Variants in TFCP2 observed in about 807,000 individuals in gnomAD.
TFCP2 encodes the protein alpha-globin transcription factor CP2.
In TFCP2, 33 loss-of-function variants were observed where a neutral mutation model predicts 73.4. The observed-to-expected ratio is 0.45, with a 90% CI of 0.34 to 0.60. TFCP2 has a LOEUF of 0.60. TFCP2 is among the 20% of genes least tolerant of loss of function. The probability of loss-of-function intolerance (pLI) is 0.01; values close to 1 mark genes in which losing one functional copy is unlikely to be tolerated. For synonymous variants in TFCP2, 193 were observed against 211.6 expected (o/e 0.91, Z 0.76); for missense variants, 352 against 604.0 (o/e 0.58, Z 4.37).
At chr12:51,128,887 T>C (rs903252863) in intron 1 of TFCP2, among the ~76,000 whole-genome samples, 6 of 152,176 alleles carry the variant, frequency 3.9e-5, no homozygotes, top group Admixed American at 2.6e-4. Context: ...AAATACCCTG[T>C]ATGACATAAT....
chr12:51,104,395 G>C (rs183134832), intron 8 of TFCP2, among the ~76,000 whole-genome samples, 192 bp from the exon 9 acceptor site: 113 of 152,176 alleles, frequency 7.4e-4, no homozygotes, highest in African/African-American at 2.6e-3. Context: ...TATGAGGAGG[G>C]GGAGAAACTA....
In TFCP2 at chr12:51,124,922, G is replaced by C. The variant is rs1340366330; in HGVS notation, c.123-6150C>G. ...GATATGTCAAGGACACGTCGTCCAG[G>C]ATGAGCCCAAATGTGGCTGCTTGCT... On this transcript the variant is annotated intron_variant, in intron 1 of 14. Coordinates refer to ENST00000257915, the MANE Select transcript of TFCP2 (RefSeq NM_005653.5). 7.1e-6 allele frequency: 6 copies of C among 848,692 alleles called. No homozygotes were observed. The African/African-American group carries it at 8.2e-5, about 12-fold the overall frequency. 52.6% of individuals were successfully genotyped at this position (848,692 alleles called of 1,614,324 possible).
chr12:51,154,365 CTAAAAA>C (rs1230522480), intron 1 of TFCP2, among the ~76,000 whole-genome samples: 8 of 152,044 alleles, frequency 5.3e-5, no homozygotes, highest in Admixed American at 5.3e-4. Flanking sequence ...TTAACAACAA[CTAAAAA>C]TAAAACTATA....
Position 51,109,214 on chromosome 12 carries a change from T to G in TFCP2, c.624A>C (p.Pro208=). 1 of 1,614,220 alleles carries G rather than the reference T, an allele frequency of 6.2e-7. No individual in the cohort carries two copies. Among genetic ancestry groups the G allele is most frequent in the Non-Finnish European group, 8.5e-7 (1 of 1,180,038 alleles). Residue 208 remains proline (P), a synonymous_variant, in exon 6 of 15, where the codon CCA becomes CCC. Coordinates refer to ENST00000257915, the MANE Select transcript of TFCP2 (RefSeq NM_005653.5). ...MRKHGGEKGV[P]FRVQIDTFKE... ...TGAAGGTATCTATTTGTACTCGGAA[T>G]GGCACCCCCTTTTCTCCACCATGTT...
intron 1 of TFCP2, among the ~76,000 whole-genome samples, chr12:51,130,118 CTGGGCAACAGAA>C (rs1254707353): frequency 6.6e-6 from 1 of 151,880 alleles, no homozygotes; most frequent in Non-Finnish European, 1.5e-5. Flanking sequence ...GCACTCCAGC[CTGGGCAACAGAA>C]TGAGACCCCT....
chr12:51,161,042 A>G (rs1345049725), intron 1 of TFCP2, among the ~76,000 whole-genome samples: 3 of 152,178 alleles, frequency 2.0e-5, no homozygotes, highest in Non-Finnish European at 4.4e-5. Context: ...GGCACTAGAC[A>G]AGTGAACTTA....
At chr12:51,115,119 C>CTTTTTT (rs767275906) in intron 4 of TFCP2, among the ~76,000 whole-genome samples, 1 of 83,800 alleles carries the variant, frequency 1.2e-5, no homozygotes, top group Non-Finnish European at 2.3e-5. Flanking sequence ...AAATTGGAAC[C>CTTTTTT]TTTTTTTTTT....
intron 1 of TFCP2, among the ~76,000 whole-genome samples, chr12:51,153,758 C>T (rs1332831535): frequency 6.6e-6 from 1 of 152,166 alleles, no homozygotes; most frequent in East Asian, 1.9e-4. Context: ...AATAATATTC[C>T]ATCATATGTA....
intron 1 of TFCP2, among the ~76,000 whole-genome samples, chr12:51,143,980 T>C (rs1180186693): frequency 6.6e-6 from 1 of 152,230 alleles, no homozygotes. Context: ...AATTCATCTA[T>C]AGGTTCAATT....
At chr12:51,106,362 G>A (rs548263949) in intron 8 of TFCP2, among the ~76,000 whole-genome samples, 163 bp downstream of exon 8, 6 of 152,198 alleles carry the variant, frequency 3.9e-5, no homozygotes, top group Admixed American at 1.3e-4. Flanking sequence ...AAACTCTTTC[G>A]ATCTCTTTTG....
intron 1 of TFCP2, among the ~76,000 whole-genome samples, chr12:51,152,199 G>A (rs913329914): frequency 2.0e-5 from 3 of 152,154 alleles, no homozygotes; most frequent in Non-Finnish European, 1.5e-5. Flanking sequence ...ATGATACGCA[G>A]AGAACTCAGC....
At chr12:51,103,215 G>A (rs1263502055) in intron 10 of TFCP2, among the ~76,000 whole-genome samples, 5 of 151,602 alleles carry the variant, frequency 3.3e-5, no homozygotes, top group Admixed American at 6.6e-5. Context: ...CCTGGGAGAC[G>A]GAGGGTGCAG....
In TFCP2 at chr12:51,135,354, G is replaced by A. The variant is rs187898855; in HGVS notation, c.123-16582C>T. Among the ~76,000 whole-genome samples, 13 of 152,068 alleles carry A rather than the reference G, an allele frequency of 8.5e-5. No homozygotes were observed. The East Asian group carries it at 1.5e-3, about 18-fold the overall frequency. On this transcript the variant is annotated intron_variant, in intron 1 of 14. Coordinates refer to ENST00000257915, the MANE Select transcript of TFCP2 (RefSeq NM_005653.5). ...AAGCAGGAGAATTGCTTGAACCTGG[G>A]AGGCAGAGGTTGAGGTGAGCCGAGA...
At chr12:51,171,018 G>T (rs1255191469) in intron 1 of TFCP2, among the ~76,000 whole-genome samples, 1 of 152,124 alleles carries the variant, frequency 6.6e-6, no homozygotes, top group Admixed American at 6.5e-5. Context: ...CTTCAGTGAG[G>T]TAAGTCTACT....
chr12:51,133,447 GGT>G, intron 1 of TFCP2, among the ~76,000 whole-genome samples: 1 of 152,242 alleles, frequency 6.6e-6, no homozygotes, highest in Non-Finnish European at 1.5e-5. Flanking sequence ...TGGAACTACA[GGT>G]GTGTGCCACC....
rs1044571820 is a variant in TFCP2 at position 51,094,411 on chromosome 12, G to A, written c.*830C>T. ...CAGTGTTATGTTGTAGTCACCAGAAGGGCCACAGTAATAAGCGAAGTGAAC... is the reference window on the plus strand; with the variant it reads ...CAGTGTTATGTTGTAGTCACCAGAAAGGCCACAGTAATAAGCGAAGTGAAC... On this transcript the variant is annotated 3_prime_UTR_variant, in exon 15 of 15. Coordinates refer to ENST00000257915, the MANE Select transcript of TFCP2 (RefSeq NM_005653.5). 6.6e-6 allele frequency: 1 copy of A among 152,192 alleles called. No homozygotes were observed. The highest frequency in any genetic ancestry group is 2.4e-5 in the African/African-American group (1 of 41,436). 9.4% of individuals were successfully genotyped at this position (152,192 alleles called of 1,614,324 possible).
At chr12:51,123,690 T>C (rs1940735782) in intron 1 of TFCP2, among the ~76,000 whole-genome samples, 2 of 152,238 alleles carry the variant, frequency 1.3e-5, no homozygotes, top group African/African-American at 2.4e-5. Flanking sequence ...TCTCCCAAAG[T>C]GTTGGGATCA....
intron 1 of TFCP2, among the ~76,000 whole-genome samples, chr12:51,149,492 A>G (rs185648210): frequency 3.3e-5 from 5 of 152,366 alleles, no homozygotes; most frequent in African/African-American, 1.2e-4. Context: ...GAGGACAAGA[A>G]AAGTGTAGGA....
intron 1 of TFCP2, among the ~76,000 whole-genome samples, chr12:51,141,879 C>G (rs1427519469): frequency 1.1e-4 from 15 of 141,062 alleles, no homozygotes; most frequent in Non-Finnish European, 2.1e-4. Flanking sequence ...GCACTCCAGC[C>G]TGAGTGACAG....
Sources: gnomAD v4.1 joint callset for allele counts (sites outside exome capture counted in the v4.1 genomes callset) on GRCh38, gnomAD v4.1.1 for gene constraint, MANE v1.5 for transcripts, NCBI Gene and HGNC (gene_info 2026-07-23, HGNC 2026-07-21) for gene names.